The following PDE10A variants were observed in gnomAD, a reference collection of about 807,000 sequenced individuals.
PDE10A encodes phosphodiesterase 10A.
In PDE10A, 39 loss-of-function variants were observed where a neutral mutation model predicts 97.7. The ratio of observed to expected loss-of-function variants is 0.40; its 90% CI spans 0.31 to 0.52. The LOEUF (loss-of-function observed/expected upper bound fraction) is 0.52, where lower values mean the gene tolerates loss of function less well. Ranked by LOEUF, PDE10A falls within the 20% of genes least tolerant of loss-of-function variation. PDE10A has a pLI of 0.56. For synonymous variants in PDE10A, 371 were observed against 376.8 expected (o/e 0.98, Z 0.18); for missense variants, 731 against 1,047.8 (o/e 0.70, Z 4.17).
rs181285821 is a variant in PDE10A at position 165,689,646 on chromosome 6, C to T, written c.-614-146078G>A. Among the ~76,000 whole-genome samples, 421 of 152,306 alleles carry T rather than the reference C, an allele frequency of 2.8e-3. 1 individual carries two copies. The highest frequency in any genetic ancestry group is 5.0e-3 in the Non-Finnish European group (342 of 68,026). On this transcript the variant is annotated intron_variant, in intron 1 of 19. Transcript: ENST00000366882. ...CTCTCTCACTATGCGATGCACCAGT[C>T]CCCCTTCCTCTTCCGCCGTGAGCGG... is the stretch of plus-strand genomic sequence containing the variant.
chr6:165,550,621 A>G (rs556867999), intron 1 of PDE10A, among the ~76,000 whole-genome samples: 5 of 152,364 alleles, frequency 3.3e-5, no homozygotes, highest in African/African-American at 4.8e-5. Flanking sequence ...GAATGTTATT[A>G]AGTATAACAG....
chr6:165,455,571 C>G (rs1403006823), intron 3 of PDE10A, among the ~76,000 whole-genome samples: 1 of 152,214 alleles, frequency 6.6e-6, no homozygotes, highest in Non-Finnish European at 1.5e-5. Context: ...ACTTCAAAAA[C>G]TACTAACTGC....
At chr6:165,758,204 T>C (rs2007436) in intron 1 of PDE10A, among the ~76,000 whole-genome samples, 148,088 of 152,304 alleles carry the variant, frequency 0.97, 72,123 homozygotes, top group East Asian at 1. Flanking sequence ...CAGTGGCTCA[T>C]GCCTGTAATC....
rs1416234711 is a variant in PDE10A at position 165,591,125 on chromosome 6, G to C, written c.866-47557C>G. Among the ~76,000 whole-genome samples, 5 of 152,150 alleles carry C rather than the reference G, an allele frequency of 3.3e-5. No individual in the cohort carries two copies. In the East Asian group the frequency reaches 9.6e-4, roughly 29 times the overall value. Reference sequence around the variant, plus strand: ...TTTATTGGGAAAAAAAGGAGCATAGGATGGCATGAAAGACAGGAAATCAAA... The same window carrying C: ...TTTATTGGGAAAAAAAGGAGCATAGCATGGCATGAAAGACAGGAAATCAAA... On this transcript the variant is annotated intron_variant, in intron 1 of 21. Transcript: ENST00000539869.
chr6:165,797,148 T>C lies in PDE10A; in HGVS notation c.-615+190381A>G, dbSNP rs944642581. 2.6e-5 allele frequency among the ~76,000 whole-genome samples: 4 copies of C among 152,318 alleles called. No homozygotes were observed. In the East Asian group the frequency reaches 7.7e-4, roughly 29 times the overall value. The stretch of plus-strand genomic sequence containing the variant: ...TCACATTCAGGCGATGGAGTTCAGA[T>C]GACGTGTTGAGCAAGGACACTCCAC... On this transcript the variant is annotated intron_variant, in intron 1 of 19. Coordinates refer to the PDE10A transcript ENST00000366882.
At chr6:165,679,835 T>C (rs1258032808) in intron 1 of PDE10A, among the ~76,000 whole-genome samples, 1 of 152,086 alleles carries the variant, frequency 6.6e-6, no homozygotes, top group African/African-American at 2.4e-5. Flanking sequence ...AGTCTTTATC[T>C]TATGGTCACC....
At chr6:165,893,017 C>T (rs183579874) in intron 1 of PDE10A, among the ~76,000 whole-genome samples, 4 of 152,178 alleles carry the variant, frequency 2.6e-5, no homozygotes, top group African/African-American at 9.7e-5. Context: ...TGCTGTCTCC[C>T]CAGGTAGGAT....
chr6:165,828,782 C>T (rs967967767), intron 1 of PDE10A, among the ~76,000 whole-genome samples: 1 of 152,180 alleles, frequency 6.6e-6, no homozygotes, highest in African/African-American at 2.4e-5. Flanking sequence ...CCTGTGCCCC[C>T]ACCCTAAATG....
intron 17 of PDE10A, among the ~76,000 whole-genome samples, chr6:165,384,517 C>T (rs997414640): frequency 5.3e-5 from 8 of 152,116 alleles, no homozygotes; most frequent in Non-Finnish European, 7.4e-5. Context: ...CCACTCAACA[C>T]GGGATTATCT....
At chr6:165,411,694 A>G (rs1333985454) in intron 13 of PDE10A, among the ~76,000 whole-genome samples, 1 of 152,240 alleles carries the variant, frequency 6.6e-6, no homozygotes, top group Non-Finnish European at 1.5e-5. Flanking sequence ...TTTAGAGAAA[A>G]TACAAACTGA....
chr6:165,959,877 C>G (rs1784305670), intron 1 of PDE10A, among the ~76,000 whole-genome samples: 1 of 152,182 alleles, frequency 6.6e-6, no homozygotes. Context: ...ACCATGACCT[C>G]TCCCCACTTC....
Position 165,924,222 on chromosome 6 carries a change from C to T in PDE10A, c.-615+63307G>A, listed in dbSNP as rs151249668. Among the ~76,000 whole-genome samples the T allele has an allele frequency of 3.2e-3, 486 of 152,200 alleles. 1 individual carries two copies. Among genetic ancestry groups the T allele is most frequent in the Admixed American group, 9.4e-3 (143 of 15,292 alleles). On this transcript the variant is annotated intron_variant, in intron 1 of 19. Coordinates refer to the PDE10A transcript ENST00000366882. ...AATATCTCTCTCTGTGTGTCCAACTCGTGGCTTACATATTGGATAGAAGAT... is the reference window on the plus strand; with the variant it reads ...AATATCTCTCTCTGTGTGTCCAACTTGTGGCTTACATATTGGATAGAAGAT...
intron 1 of PDE10A, among the ~76,000 whole-genome samples, chr6:165,834,204 G>C (rs995152953): frequency 1.3e-5 from 2 of 152,222 alleles, no homozygotes; most frequent in African/African-American, 4.8e-5. Flanking sequence ...ACCAGTTGGG[G>C]CCAGGTACCC....
chr6:165,535,027 T>C (rs1782995903), intron 2 of PDE10A, among the ~76,000 whole-genome samples: 1 of 152,024 alleles, frequency 6.6e-6, no homozygotes, highest in Non-Finnish European at 1.5e-5. Flanking sequence ...TGACACGATC[T>C]TGTATTTCAA....
intron 1 of PDE10A, among the ~76,000 whole-genome samples, chr6:165,675,484 A>G (rs1264955843): frequency 3.3e-5 from 5 of 152,220 alleles, no homozygotes. Context: ...AATTTTTCAT[A>G]GAAGACTTGT....
intron 1 of PDE10A, among the ~76,000 whole-genome samples, chr6:165,897,083 G>T (rs1781972478): frequency 6.6e-6 from 1 of 152,142 alleles, no homozygotes; most frequent in East Asian, 1.9e-4. Flanking sequence ...GCAAAAATAT[G>T]GGCAATTCTT....
In PDE10A at chr6:165,655,369, G is replaced by A. The variant is rs181648677; in HGVS notation, c.865+6578C>T. 4.7e-3 allele frequency among the ~76,000 whole-genome samples: 711 copies of A among 152,126 alleles called. 1 individual carries two copies. The highest frequency in any genetic ancestry group is 7.8e-3 in the Non-Finnish European group (532 of 68,006). ...CACCAAACGCCACGCCTGATTCCTT[G>A]CGCACCCCACGTGCTCCTCCTCCAG... On this transcript the variant is annotated intron_variant, in intron 1 of 21. Transcript: ENST00000539869. The surrounding 1 kb of genome is among the most constrained non-coding windows in gnomAD (Gnocchi z 4.5).
chr6:165,617,959 T>G (rs966133794), intron 1 of PDE10A, among the ~76,000 whole-genome samples: 17 of 151,976 alleles, frequency 1.1e-4, no homozygotes, highest in Non-Finnish European at 2.2e-4. Context: ...GGCACAGTGG[T>G]TCACTCCTGT....
intron 1 of PDE10A, among the ~76,000 whole-genome samples, chr6:165,698,384 A>C (rs1791489901): frequency 6.6e-6 from 1 of 152,258 alleles, no homozygotes; most frequent in African/African-American, 2.4e-5. Flanking sequence ...CTAACACATA[A>C]GAAAAGAACA....
Sources: allele counts gnomAD v4.1 joint callset (sites outside exome capture counted in the v4.1 genomes callset), GRCh38; gene constraint gnomAD v4.1.1; non-coding constraint Gnocchi (gnomAD v3.1); transcripts MANE v1.5; gene names NCBI Gene and HGNC (gene_info 2026-07-23, HGNC 2026-07-21).